USP50: variants seen among roughly 807,000 people sequenced by gnomAD.
USP50 encodes ubiquitin specific peptidase 50.
In USP50, 37 loss-of-function variants were observed where a neutral mutation model predicts 39.2. The observed-to-expected ratio is 0.94, with a 90% confidence interval of 0.73 to 1.24. The LOEUF is 1.24. Among genes scored for constraint, USP50 ranks in the 50% most tolerant of loss-of-function variants. The pLI is 0.00. For synonymous variants in USP50, 139 were observed against 144.5 expected (o/e 0.96, Z 0.27); for missense variants, 374 against 398.2 (o/e 0.94, Z 0.52).
chr15:50,535,656 G>A (rs148450063), intron 5 of USP50, among the ~76,000 whole-genome samples: 2 of 152,346 alleles, frequency 1.3e-5, no homozygotes, highest in Admixed American at 1.3e-4. Flanking sequence ...GCTCACGCCT[G>A]TAATTCCAGC....
rs1237098206 is a variant in USP50 at position 50,500,660 on chromosome 15, G to A, written c.*109C>T. ...AAACACCATTTTCCTGGCTCTTAAC[G>A]CTTTTGTATTGGTATGGAAAAGGGC... is the stretch of plus-strand genomic sequence containing the variant. On this transcript the variant is annotated 3_prime_UTR_variant, in exon 7 of 7. Coordinates refer to ENST00000532404, the MANE Select transcript of USP50 (RefSeq NM_203494.5). The A allele has an allele frequency of 2.2e-5, 23 of 1,062,434 alleles. No individual in the cohort carries two copies. In the East Asian group the frequency reaches 2.9e-4, roughly 13 times the overall value. 65.8% of individuals were successfully genotyped at this position (1,062,434 alleles called of 1,614,324 possible).
intron 3 of USP50, among the ~76,000 whole-genome samples, chr15:50,541,985 C>T (rs1055333613): frequency 6.7e-6 from 1 of 148,706 alleles, no homozygotes; most frequent in South Asian, 2.1e-4. Flanking sequence ...GAGGCTGAGG[C>T]GGGAGGAGTT....
At chr15:50,541,713 G>A (rs961947759) in intron 3 of USP50, among the ~76,000 whole-genome samples, 2 of 152,002 alleles carry the variant, frequency 1.3e-5, no homozygotes, top group Non-Finnish European at 2.9e-5. Flanking sequence ...GTCTAACTCT[G>A]GTAAAACATA....
At chr15:50,518,193 C>A (rs1596010336) in intron 6 of USP50, among the ~76,000 whole-genome samples, 1 of 151,360 alleles carries the variant, frequency 6.6e-6, no homozygotes, top group East Asian at 1.9e-4. Context: ...CATGTATTTA[C>A]AGCCAACTGA....
intron 6 of USP50, chr15:50,514,063 A>G (rs760383762): frequency 2.4e-4 from 36 of 152,262 alleles, no homozygotes; most frequent in Admixed American, 1.7e-3. Context: ...TTTTCATACA[A>G]TGGAATACTA....
At chr15:50,535,178 A>G (rs2052970658) in intron 5 of USP50, among the ~76,000 whole-genome samples, 1 of 151,978 alleles carries the variant, frequency 6.6e-6, no homozygotes, top group Non-Finnish European at 1.5e-5. Flanking sequence ...AATTGATAGA[A>G]GTGCAAGGAG....
At chr15:50,539,112 T>C (rs2053008054) in intron 4 of USP50, among the ~76,000 whole-genome samples, 2 of 134,302 alleles carry the variant, frequency 1.5e-5, no homozygotes, top group Non-Finnish European at 3.3e-5. Flanking sequence ...TTTTTGGTTT[T>C]GTTTTTTTTT....
downstream of USP50, chr15:50,495,857 C>T (rs765632252): frequency 2.9e-5 from 46 of 1,610,534 alleles, no homozygotes; most frequent in Non-Finnish European, 3.6e-5. Flanking sequence ...GGCTGATAAT[C>T]GGAAGAGATA....
In USP50 at chr15:50,500,730, A is replaced by G; in HGVS notation, c.*39T>C. On this transcript the variant is annotated 3_prime_UTR_variant, in exon 7 of 7. Transcript: ENST00000532404. The stretch of plus-strand genomic sequence containing the variant: ...GATCCATAGCATTTTGAACAGAAGT[A>G]TCTGGAATCTCACTGACTCGTGTGT... The G allele has an allele frequency of 6.5e-7, 1 of 1,547,022 alleles. No homozygotes were observed. Among genetic ancestry groups the G allele is most frequent in the Non-Finnish European group, 8.8e-7 (1 of 1,138,312 alleles).
chr15:50,525,704 T>A lies in USP50; in HGVS notation c.936+4093A>T, dbSNP rs1214297866. ...TATATTATATATGTATATGTATATA[T>A]ATGTATATATGTATATGTATATATG... is the stretch of plus-strand genomic sequence containing the variant. On this transcript the variant is annotated intron_variant, in intron 6 of 6. Coordinates refer to ENST00000532404, the MANE Select transcript of USP50 (RefSeq NM_203494.5). Among the ~76,000 whole-genome samples the A allele has an allele frequency of 4.2e-5, 3 of 71,830 alleles. 1 individual carries two copies. The highest frequency in any genetic ancestry group is 9.3e-5 in the Non-Finnish European group (3 of 32,268). 47.1% of individuals were successfully genotyped at this position (71,830 alleles called of 152,430 possible).
chr15:50,531,386 A>C (rs1245764515), intron 5 of USP50, among the ~76,000 whole-genome samples: 1 of 152,232 alleles, frequency 6.6e-6, no homozygotes, highest in Non-Finnish European at 1.5e-5. Context: ...CACAGCAATA[A>C]AAAAGGCACT....
intron 6 of USP50, among the ~76,000 whole-genome samples, chr15:50,515,423 G>C (rs1596009311): frequency 6.6e-6 from 1 of 152,080 alleles, no homozygotes; most frequent in South Asian, 2.1e-4. Context: ...TGTATTTTTG[G>C]TAGAGACGGG....
chr15:50,498,822 C>T (rs112918974), downstream of USP50: 1,049 of 1,548,164 alleles, frequency 6.8e-4, 9 homozygotes, highest in African/African-American at 0.013. Flanking sequence ...GTAAGAACAA[C>T]ATAAAGCTTT....
intron 6 of USP50, among the ~76,000 whole-genome samples, chr15:50,520,671 C>T (rs943362235): frequency 2.0e-5 from 3 of 151,994 alleles, no homozygotes; most frequent in Non-Finnish European, 4.4e-5. Context: ...GAAATCTCAT[C>T]ATCTGCAGTA....
At chr15:50,511,552 T>C (rs547058612) in intron 6 of USP50, 1 of 152,330 alleles carries the variant, frequency 6.6e-6, no homozygotes, top group South Asian at 2.1e-4. Context: ...TAAGGAAATG[T>C]GGTATATCCT....
downstream of USP50, among the ~76,000 whole-genome samples, chr15:50,496,530 C>A (rs1015689647): frequency 6.1e-5 from 9 of 146,906 alleles, no homozygotes; most frequent in Admixed American, 4.8e-4. Context: ...AATATAAATT[C>A]TGTTTTATAA....
chr15:50,522,916 G>A (rs2052861244), intron 6 of USP50, among the ~76,000 whole-genome samples: 2 of 152,054 alleles, frequency 1.3e-5, no homozygotes, highest in South Asian at 4.2e-4. Context: ...CCAAAGTGCT[G>A]GGATTACAGG....
rs778933463 is a variant in USP50 at position 50,543,687 on chromosome 15, G to A, written c.355C>T (p.Leu119Phe). 6.2e-7 allele frequency: 1 copy of A among 1,613,092 alleles called. No individual in the cohort carries two copies. The highest frequency in any genetic ancestry group is 1.1e-5 in the South Asian group (1 of 90,874). The stretch of plus-strand genomic sequence containing the variant: ...ATCTTTTTCGTAAATGCTGGGTAGA[G>A]GTTGCCAAGAGCTGACCAGAATATT... ...PEIFWSALGN[L>F]YPAFTKKMQQ... Residue 119 changes from leucine to phenylalanine, a missense_variant, in exon 3 of 7, where the codon CTC becomes TTC. Leu to Phe is a conservative substitution (Grantham distance 22, BLOSUM62 0). Coordinates refer to ENST00000532404, the MANE Select transcript of USP50 (RefSeq NM_203494.5).
intron 6 of USP50, among the ~76,000 whole-genome samples, chr15:50,526,548 A>G (rs973455209): frequency 1.3e-5 from 2 of 152,250 alleles, no homozygotes; most frequent in Non-Finnish European, 2.9e-5. Context: ...AACATGTATA[A>G]GAAAAAAAGG....
Sources: allele counts gnomAD v4.1 joint callset (sites outside exome capture counted in the v4.1 genomes callset), GRCh38; gene constraint gnomAD v4.1.1; transcripts MANE v1.5; gene names NCBI Gene and HGNC (gene_info 2026-07-23, HGNC 2026-07-21).